Variants in RELL1 observed in about 807,000 individuals in gnomAD.
RELL1 encodes the protein RELT-like protein 1.
A neutral mutation model predicts 23.0 loss-of-function variants in RELL1; 10 were observed. That is an observed-to-expected ratio of 0.43 (90% CI 0.27 to 0.74). The LOEUF (loss-of-function observed/expected upper bound fraction) is 0.74, where lower values mean the gene tolerates loss of function less well. Ranked by LOEUF, RELL1 falls within the 30% of genes least tolerant of loss-of-function variation. The probability of loss-of-function intolerance (pLI) is 0.19; values close to 1 mark genes in which losing one functional copy is unlikely to be tolerated. For synonymous variants in RELL1, 146 were observed against 146.8 expected (o/e 0.99, Z 0.04); for missense variants, 315 against 364.4 (o/e 0.86, Z 1.10).
At chr4:37,635,586 A>T (rs1010906342) in intron 4 of RELL1, among the ~76,000 whole-genome samples, 5 of 152,136 alleles carry the variant, frequency 3.3e-5, no homozygotes, top group African/African-American at 1.2e-4. Flanking sequence ...TGATTGTACC[A>T]CCGAACTCCA....
intron 1 of RELL1, 46 bp from the exon 2 acceptor site, chr4:37,649,546 A>G (rs1456099080): frequency 6.6e-7 from 1 of 1,524,098 alleles, no homozygotes; most frequent in Admixed American, 1.7e-5. Context: ...TGTCCAGGGC[A>G]AGAAAAACCT....
intron 6 of RELL1, among the ~76,000 whole-genome samples, chr4:37,627,466 T>C (rs1322798767): frequency 2.0e-5 from 3 of 152,284 alleles, no homozygotes; most frequent in East Asian, 1.9e-4. Flanking sequence ...TTTAACCGCA[T>C]TGCCAAAATA....
At position 37,669,214 on chromosome 4, in the gene RELL1, C is replaced by T. The variant is rs1381632676; in HGVS notation, c.88+16986G>A. Among the ~76,000 whole-genome samples, 154 of 134,460 alleles carry T rather than the reference C, an allele frequency of 1.1e-3. 5 individuals carry two copies. Among genetic ancestry groups the T allele is most frequent in the Middle Eastern group, 4.4e-3 (1 of 228 alleles). 88.2% of individuals were successfully genotyped at this position (134,460 alleles called of 152,430 possible). The stretch of plus-strand genomic sequence containing the variant: ...GGGGTCAGCCCCCTGCCTGGCCAGC[C>T]GCCCCGTCCGGGAGGGAGGTGGGGG... On this transcript the variant is annotated intron_variant, in intron 1 of 6. Coordinates refer to ENST00000454158, the MANE Select transcript of RELL1 (RefSeq NM_001085400.2).
Position 37,624,050 on chromosome 4 carries a change from C to A in RELL1, c.*3+7335G>T, listed in dbSNP as rs142400666. On this transcript the variant is annotated intron_variant, in intron 6 of 6. Coordinates refer to ENST00000454158, the MANE Select transcript of RELL1 (RefSeq NM_001085400.2). ...CAAGCAGTACGACTTCCGAGGGGGT[C>A]CCCAAGGAGCTTCTACTATAATTCC... 5.0e-4 allele frequency among the ~76,000 whole-genome samples: 76 copies of A among 152,212 alleles called. No individual in the cohort carries two copies. In the East Asian group the frequency reaches 0.014, roughly 28 times the overall value.
intron 1 of RELL1, among the ~76,000 whole-genome samples, chr4:37,667,584 G>T (rs1424136971): frequency 6.6e-6 from 1 of 150,618 alleles, no homozygotes; most frequent in East Asian, 1.9e-4. Context: ...GGTTCACGTA[G>T]TAGAGTTAGA....
chr4:37,632,342 T>C (rs568187712), intron 5 of RELL1, among the ~76,000 whole-genome samples: 91 of 143,392 alleles, frequency 6.3e-4, no homozygotes, highest in African/African-American at 2.5e-3. Context: ...TGGCTAATTT[T>C]GTATTTTTAG....
Position 37,613,063 on chromosome 4 carries a change from TA to T in RELL1, c.*282del, listed in dbSNP as rs1722327980. The T allele has an allele frequency of 6.6e-6, 1 of 152,196 alleles. No homozygotes were observed. The allele number at this position is 152,196 out of a possible 1,614,324, so 9.4% of individuals were successfully genotyped here. The stretch of plus-strand genomic sequence containing the variant: ...CAGTGTGTACACCAAGGCCTGGGAT[TA>T]GGGGCTGGGAAGAGTAGAGGCTGGG... On this transcript the variant is annotated 3_prime_UTR_variant, in exon 7 of 7. Coordinates refer to ENST00000454158, the MANE Select transcript of RELL1 (RefSeq NM_001085400.2).
At chr4:37,632,613 C>T (rs191443619) in intron 5 of RELL1, among the ~76,000 whole-genome samples, 30 of 152,268 alleles carry the variant, frequency 2.0e-4, no homozygotes, top group African/African-American at 6.3e-4. Context: ...AACACACACA[C>T]GCACACACAT....
At chr4:37,657,467 G>C (rs1721163053) in intron 1 of RELL1, among the ~76,000 whole-genome samples, 1 of 152,182 alleles carries the variant, frequency 6.6e-6, no homozygotes, top group Admixed American at 6.5e-5. Flanking sequence ...TATGTAGAAG[G>C]GAAGGAGCAA....
chr4:37,590,064 T>A (rs1444596987), downstream of RELL1: 2 of 1,575,408 alleles, frequency 1.3e-6, no homozygotes, highest in Non-Finnish European at 8.7e-7. Context: ...CAGACCTGAC[T>A]GGTTTTCATT....
chr4:37,647,519 T>C, intron 2 of RELL1, 80 bp from the exon 3 acceptor site: 1 of 934,426 alleles, frequency 1.1e-6, no homozygotes, highest in Admixed American at 1.8e-5. Context: ...ACCCAAGACC[T>C]CACTGAACAG....
intron 3 of RELL1, among the ~76,000 whole-genome samples, chr4:37,639,458 A>G (rs1353041954): frequency 6.6e-6 from 1 of 151,656 alleles, no homozygotes; most frequent in African/African-American, 2.4e-5. Context: ...CGCTAACTTT[A>G]AAAAATTAGA....
intron 6 of RELL1, among the ~76,000 whole-genome samples, chr4:37,627,166 C>G (rs1719981245): frequency 6.6e-6 from 1 of 152,150 alleles, no homozygotes; most frequent in Non-Finnish European, 1.5e-5. Context: ...CCATTAAAAT[C>G]TGATTAATTT....
chr4:37,634,796 G>A, intron 5 of RELL1, 91 bp downstream of exon 5: 1 of 1,087,354 alleles, frequency 9.2e-7, no homozygotes, highest in South Asian at 1.3e-5. Flanking sequence ...CAGGCACAGA[G>A]AACATATTCT....
intron 3 of RELL1, among the ~76,000 whole-genome samples, chr4:37,645,246 C>T (rs1040375250): frequency 1.3e-5 from 2 of 152,198 alleles, no homozygotes. Context: ...CCTGCAAGCT[C>T]CCCACAGCCA....
intron 6 of RELL1, among the ~76,000 whole-genome samples, chr4:37,597,800 C>T (rs1718905235): frequency 6.6e-6 from 1 of 152,024 alleles, no homozygotes; most frequent in African/African-American, 2.4e-5. Context: ...CCTGTAATCC[C>T]AGCACTTTGG....
Position 37,686,347 on chromosome 4 carries a change from G to A in RELL1, c.-60C>T. On this transcript the variant is annotated 5_prime_UTR_variant, in exon 1 of 7. Coordinates refer to ENST00000454158, the MANE Select transcript of RELL1 (RefSeq NM_001085400.2). Reference sequence around the variant, plus strand: ...CGCGTCCCGCGCTCGGGAAGGCAGAGCCGCTCCGGAGCCGGCGGGCTGATC... The same window carrying A: ...CGCGTCCCGCGCTCGGGAAGGCAGAACCGCTCCGGAGCCGGCGGGCTGATC... 7.5e-7 allele frequency: 1 copy of A among 1,327,016 alleles called. No homozygotes were observed. The highest frequency in any genetic ancestry group is 9.9e-7 in the Non-Finnish European group (1 of 1,009,920). The allele number at this position is 1,327,016 out of a possible 1,614,324, so 82.2% of individuals were successfully genotyped here.
Position 37,611,636 on chromosome 4 carries a change from G to T in RELL1, c.*1710C>A, listed in dbSNP as rs760758531. ...GCGGGTCTTGGAGACCTTGTAACTG[G>T]CCTCCCCCACAGCTCACCCCAGAGC... is the stretch of plus-strand genomic sequence containing the variant. On this transcript the variant is annotated 3_prime_UTR_variant, in exon 7 of 7. Transcript: ENST00000454158. 2.6e-5 allele frequency among the ~76,000 whole-genome samples: 4 copies of T among 151,870 alleles called. No homozygotes were observed. Among genetic ancestry groups the T allele is most frequent in the Non-Finnish European group, 4.4e-5 (3 of 68,006 alleles).
At chr4:37,640,760 A>G (rs1019552931) in intron 3 of RELL1, among the ~76,000 whole-genome samples, 1 of 151,970 alleles carries the variant, frequency 6.6e-6, no homozygotes, top group Non-Finnish European at 1.5e-5. Flanking sequence ...TTTTTTTTCT[A>G]ATTTTATTTT....
Sources: allele counts gnomAD v4.1 joint callset (sites outside exome capture counted in the v4.1 genomes callset), GRCh38; gene constraint gnomAD v4.1.1; transcripts MANE v1.5; gene names NCBI Gene and HGNC (gene_info 2026-07-23, HGNC 2026-07-21).